Variants in RAB3GAP2 observed in about 807,000 individuals in gnomAD.
RAB3GAP2 encodes RAB3 GTPase activating non-catalytic protein subunit 2, also known as rab3 GTPase-activating protein non-catalytic subunit.
In RAB3GAP2, 87 loss-of-function variants were observed where a neutral mutation model predicts 185.3. That is an observed-to-expected ratio of 0.47 (90% CI 0.39 to 0.56). The LOEUF is 0.56. RAB3GAP2 is among the 20% of genes least tolerant of loss of function. The pLI, the probability that RAB3GAP2 is intolerant of heterozygous loss-of-function variation, is 0.00. For missense variants in RAB3GAP2, 1,492 were observed against 1,638.2 expected, an observed-to-expected ratio of 0.91 and a Z score of 1.54; for synonymous variants, 554 against 576.1, an observed-to-expected ratio of 0.96 and a Z score of 0.55.
rs201514595 is a variant in RAB3GAP2 at position 220,272,292 on chromosome 1, C to T, written c.46G>A (p.Ala16Thr). 95 of 1,612,394 alleles carry T rather than the reference C, an allele frequency of 5.9e-5. 1 individual carries two copies. The East Asian group carries it at 1.0e-3, about 18-fold the overall frequency. Residue 16 changes from alanine (A) to threonine (T), a missense_variant, in exon 1 of 35, where the codon GCC becomes ACC. Physicochemically the swap from Ala to Thr is moderately conservative, Grantham distance 58. Coordinates refer to ENST00000358951, the MANE Select transcript of RAB3GAP2 (RefSeq NM_012414.4). ...TGAGGAAAGAGGAAGTCCCGGGCGG[C>T]CTGGAGGTCCTGGAAGTAGCAGAAC... Reference protein sequence around the residue: ...VQFCYFQDLQAARDFLFPHLR... With the variant: ...VQFCYFQDLQTARDFLFPHLR...
At chr1:220,212,076 C>T (rs976554950) in intron 4 of RAB3GAP2, among the ~76,000 whole-genome samples, 1 of 152,182 alleles carries the variant, frequency 6.6e-6, no homozygotes, top group African/African-American at 2.4e-5. Context: ...AAGTTCTAAG[C>T]TAGCAGCTCC....
intron 2 of RAB3GAP2, among the ~76,000 whole-genome samples, chr1:220,227,499 T>A (rs1421291010): frequency 6.6e-6 from 1 of 152,084 alleles, no homozygotes; most frequent in East Asian, 1.9e-4. Context: ...ACTGTGGAGT[T>A]TTTAGTGTTT....
intron 26 of RAB3GAP2, among the ~76,000 whole-genome samples, chr1:220,166,142 T>C (rs1658057382): frequency 6.6e-6 from 1 of 152,214 alleles, no homozygotes; most frequent in South Asian, 2.1e-4. Context: ...ATTAAGAGGA[T>C]TCCTCTGTCC....
chr1:220,203,502 C>A (rs1658902414), intron 8 of RAB3GAP2, among the ~76,000 whole-genome samples: 1 of 152,156 alleles, frequency 6.6e-6, no homozygotes, highest in South Asian at 2.1e-4. Context: ...CAACTTACAA[C>A]CCAAGGGCAC....
At chr1:220,256,926 C>G (rs1337746156) in intron 1 of RAB3GAP2, among the ~76,000 whole-genome samples, 1 of 152,182 alleles carries the variant, frequency 6.6e-6, no homozygotes, top group African/African-American at 2.4e-5. Context: ...AATCTCCACC[C>G]AAATTCAACT....
intron 1 of RAB3GAP2, among the ~76,000 whole-genome samples, chr1:220,245,580 G>C (rs899422840): frequency 1.2e-4 from 19 of 152,106 alleles, no homozygotes; most frequent in Admixed American, 1.2e-3. Flanking sequence ...AGGAGGCAGC[G>C]AGGCTGGGGG....
intron 1 of RAB3GAP2, among the ~76,000 whole-genome samples, chr1:220,236,075 C>A (rs1340742332): frequency 6.6e-6 from 1 of 152,170 alleles, no homozygotes; most frequent in African/African-American, 2.4e-5. Context: ...AAGACTAAGC[C>A]TATTTATAAT....
intron 2 of RAB3GAP2, among the ~76,000 whole-genome samples, chr1:220,223,717 C>G (rs2102887272): frequency 6.6e-6 from 1 of 151,366 alleles, no homozygotes; most frequent in East Asian, 1.9e-4. Flanking sequence ...CAATAGCACA[C>G]AGCCAATGAT....
intron 9 of RAB3GAP2, among the ~76,000 whole-genome samples, chr1:220,196,710 A>C (rs944096698): frequency 2.0e-5 from 3 of 151,816 alleles, no homozygotes; most frequent in African/African-American, 7.3e-5. Context: ...GGGTGCCTGT[A>C]ATCTTAGCTA....
Position 220,162,187 on chromosome 1 carries a change from AACT to A in RAB3GAP2, c.3225+8_3225+10del, listed in dbSNP as rs780170978. 22 of 1,532,582 alleles carry A rather than the reference AACT, an allele frequency of 1.4e-5. No homozygotes were observed. The highest frequency in any genetic ancestry group is 2.0e-5 in the Non-Finnish European group (22 of 1,106,436). The allele number at this position is 1,532,582 out of a possible 1,614,324, so 94.9% of individuals were successfully genotyped here. ...AAATAAATAAGAAGTCAATACATGA[AACT>A]ACCTTACCTTATCCATTAAGTATGT... On this transcript the variant is annotated splice_region_variant and intron_variant, in intron 28 of 34. Transcript: ENST00000358951.
chr1:220,191,635 G>A (rs11118500), intron 13 of RAB3GAP2, among the ~76,000 whole-genome samples: 140,613 of 151,974 alleles, frequency 0.93, 65,242 homozygotes, highest in African/African-American at 0.98. Flanking sequence ...CCTGACCAAC[G>A]TGGTAAGACC....
At chr1:220,207,234 A>G (rs1403249238) in intron 7 of RAB3GAP2, among the ~76,000 whole-genome samples, 1 of 152,226 alleles carries the variant, frequency 6.6e-6, no homozygotes, top group Non-Finnish European at 1.5e-5. Context: ...TGGGTCATAC[A>G]GTATTCACAA....
chr1:220,154,286 C>T, intron 31 of RAB3GAP2: 1 of 509,962 alleles, frequency 2.0e-6, no homozygotes, highest in Non-Finnish European at 3.3e-6. Flanking sequence ...ATAGTCTCCT[C>T]TCCTTGCATG....
At chr1:220,159,097 C>T (rs952418693) in intron 29 of RAB3GAP2, among the ~76,000 whole-genome samples, 6 of 152,092 alleles carry the variant, frequency 3.9e-5, no homozygotes, top group Admixed American at 6.5e-5. Flanking sequence ...AATGTCTAAT[C>T]GGAATATGCA....
chr1:220,173,132 G>A (rs1432175138), intron 21 of RAB3GAP2, among the ~76,000 whole-genome samples: 1 of 152,206 alleles, frequency 6.6e-6, no homozygotes, highest in Non-Finnish European at 1.5e-5. Flanking sequence ...TGTAGCTGTG[G>A]ATCTTAGCCT....
chr1:220,249,704 T>C (rs1038418893), intron 1 of RAB3GAP2, among the ~76,000 whole-genome samples: 2 of 152,066 alleles, frequency 1.3e-5, no homozygotes, highest in African/African-American at 4.8e-5. Flanking sequence ...AATAATGGTT[T>C]TGTGGGCCCA....
At chr1:220,189,818 A>G (rs1184085013) in intron 16 of RAB3GAP2, 51 bp from the exon 17 acceptor site, 2 of 1,338,598 alleles carry the variant, frequency 1.5e-6, no homozygotes, top group Admixed American at 2.3e-5. Flanking sequence ...ATAACAGTGA[A>G]ACATTATTCT....
chr1:220,223,409 T>C (rs1366117729), intron 2 of RAB3GAP2, among the ~76,000 whole-genome samples: 1 of 151,678 alleles, frequency 6.6e-6, no homozygotes, highest in East Asian at 1.9e-4. Context: ...GCTATTGGAG[T>C]TTAGAAAAAA....
At chr1:220,168,598 T>C (rs1234942080) in intron 24 of RAB3GAP2, among the ~76,000 whole-genome samples, 4 of 151,858 alleles carry the variant, frequency 2.6e-5, no homozygotes, top group Non-Finnish European at 5.9e-5. Flanking sequence ...GGTTTCACCA[T>C]GTTAGTCAGG....
Sources: gnomAD v4.1 joint callset for allele counts (sites outside exome capture counted in the v4.1 genomes callset) on GRCh38, gnomAD v4.1.1 for gene constraint, MANE v1.5 for transcripts, NCBI Gene and HGNC (gene_info 2026-07-23, HGNC 2026-07-21) for gene names.